The following IL1RAPL1 variants were observed in gnomAD, a reference collection of about 807,000 sequenced individuals.
IL1RAPL1 encodes interleukin 1 receptor accessory protein like 1.
A neutral mutation model predicts 48.4 loss-of-function variants in IL1RAPL1; 3 were observed. That is an observed-to-expected ratio of 0.06 (90% CI 0.03 to 0.16). The LOEUF is 0.16. Among genes scored for constraint, IL1RAPL1 ranks in the 10% least tolerant of loss-of-function variants. The pLI, the probability that IL1RAPL1 is intolerant of heterozygous loss-of-function variation, is 1.00. For missense variants in IL1RAPL1, 349 were observed against 530.6 expected, an observed-to-expected ratio of 0.66 and a Z score of 3.36; for synonymous variants, 185 against 187.7, an observed-to-expected ratio of 0.99 and a Z score of 0.12.
chrX:29,336,096 TA>T (rs1244586990), intron 3 of IL1RAPL1, among the ~76,000 whole-genome samples: 1 of 105,391 alleles, frequency 9.5e-6, no homozygotes, highest in African/African-American at 3.4e-5. Context: ...TATACGTATA[TA>T]TTTTATATAC....
rs760078572 is a variant in IL1RAPL1, at chrX:29,939,895, T to C, written c.1058-1756T>C. Among the ~76,000 whole-genome samples, 636 of 100,219 alleles carry C rather than the reference T, an allele frequency of 6.3e-3. 5 individuals are homozygous for C. Among genetic ancestry groups the C allele is most frequent in the Non-Finnish European group, 0.011 (550 of 50,070 alleles). 87.0% of individuals were successfully genotyped at this position (100,219 alleles called of 115,157 possible). On this transcript the variant is annotated intron_variant, in intron 8 of 10. Coordinates refer to ENST00000378993, the MANE Select transcript of IL1RAPL1 (RefSeq NM_014271.4). ...TTTTTTTTTTTGAGACGGAGTCTCG[T>C]TCTGTCGCCCAGGCTGGAGTGTAGT...
intron 5 of IL1RAPL1, among the ~76,000 whole-genome samples, chrX:29,541,176 A>G (rs1162453356): frequency 8.9e-6 from 1 of 112,186 alleles, no homozygotes; most frequent in South Asian, 3.7e-4. Flanking sequence ...AACACATGAA[A>G]AAATGCTCAA....
intron 5 of IL1RAPL1, among the ~76,000 whole-genome samples, chrX:29,660,337 G>C (rs1925804628): frequency 8.9e-6 from 1 of 111,945 alleles, no homozygotes; most frequent in South Asian, 3.7e-4. Flanking sequence ...AAGCTTTGTA[G>C]CCTAATGTAA....
chrX:29,388,106 C>CAAAAAAAAAAAAAA lies in IL1RAPL1; in HGVS notation c.363-8143_363-8130dup, dbSNP rs71862742. On this transcript the variant is annotated intron_variant, in intron 3 of 10. Coordinates refer to ENST00000378993, the MANE Select transcript of IL1RAPL1 (RefSeq NM_014271.4). ...TGGGAGTTGTTTAGAAAGGTTAAGC[C>CAAAAAAAAAAAAAA]AAAAAAAAAAAAAAAAAAAAAAGCA... Among the ~76,000 whole-genome samples the CAAAAAAAAAAAAAA allele has an allele frequency of 7.7e-5, 4 of 51,736 alleles. 1 individual carries two copies. The highest frequency in any genetic ancestry group is 1.0e-4 in the Non-Finnish European group (3 of 29,849). 44.9% of individuals were successfully genotyped at this position (51,736 alleles called of 115,157 possible).
chrX:28,860,104 TA>T (rs1400514372), intron 2 of IL1RAPL1, among the ~76,000 whole-genome samples: 1 of 111,890 alleles, frequency 8.9e-6, no homozygotes, highest in African/African-American at 3.2e-5. Context: ...GATATTTACA[TA>T]AATTGCTTTG....
At chrX:28,602,623 T>A (rs1189457976) in intron 1 of IL1RAPL1, among the ~76,000 whole-genome samples, 1 of 112,202 alleles carries the variant, frequency 8.9e-6, no homozygotes. Context: ...TTTAATTTCT[T>A]AAATTTGTAA....
intron 6 of IL1RAPL1, among the ~76,000 whole-genome samples, chrX:29,916,390 CT>C (rs1932801107): frequency 1.8e-5 from 2 of 111,844 alleles, no homozygotes; most frequent in African/African-American, 3.2e-5. Context: ...CACTTTTACA[CT>C]GTTGGTGGGA....
At chrX:29,388,220 A>G (rs1035971510) in intron 3 of IL1RAPL1, among the ~76,000 whole-genome samples, 19 of 109,387 alleles carry the variant, frequency 1.7e-4, no homozygotes, top group African/African-American at 6.3e-4. Flanking sequence ...GTACTGTACT[A>G]GGCACTTAAG....
intron 5 of IL1RAPL1, among the ~76,000 whole-genome samples, chrX:29,451,317 C>G (rs751333311): frequency 1.1e-4 from 12 of 109,476 alleles, no homozygotes; most frequent in African/African-American, 4.0e-4. Flanking sequence ...GATTCAGCCA[C>G]ACAAGTAGCT....
intron 4 of IL1RAPL1, among the ~76,000 whole-genome samples, chrX:29,398,272 G>A (rs1192551526): frequency 8.9e-6 from 1 of 111,786 alleles, no homozygotes; most frequent in African/African-American, 3.2e-5. Flanking sequence ...ATTACACAAA[G>A]GCATTGAGCC....
At chrX:29,687,217 G>A (rs1926649597) in intron 6 of IL1RAPL1, among the ~76,000 whole-genome samples, 2 of 111,934 alleles carry the variant, frequency 1.8e-5, no homozygotes, top group South Asian at 3.7e-4. Flanking sequence ...TTATTGCAGC[G>A]CTATCCACAA....
chrX:29,308,566 G>A (rs1204542410), intron 3 of IL1RAPL1, among the ~76,000 whole-genome samples: 1 of 112,173 alleles, frequency 8.9e-6, no homozygotes, highest in Non-Finnish European at 1.9e-5. Flanking sequence ...TCTTAAATCT[G>A]CAAACTGGGA....
chrX:29,154,464 C>G (rs772159355), intron 2 of IL1RAPL1, among the ~76,000 whole-genome samples: 120 of 109,576 alleles, frequency 1.1e-3, no homozygotes, highest in Non-Finnish European at 2.0e-3. Flanking sequence ...CACCTGAACC[C>G]AGGAGGCGGA....
chrX:29,694,918 G>A (rs955473321), intron 6 of IL1RAPL1, among the ~76,000 whole-genome samples: 2 of 111,061 alleles, frequency 1.8e-5, no homozygotes, highest in African/African-American at 6.6e-5. Flanking sequence ...CTACTTAGAG[G>A]GGCTGGACAA....
chrX:29,186,051 C>A (rs1930245326), intron 2 of IL1RAPL1, among the ~76,000 whole-genome samples: 1 of 112,007 alleles, frequency 8.9e-6, no homozygotes, highest in Admixed American at 9.5e-5. Flanking sequence ...CTAAATAAAA[C>A]TCACTGTTAA....
intron 6 of IL1RAPL1, among the ~76,000 whole-genome samples, chrX:29,788,235 ACT>A (rs960322792): frequency 9.0e-6 from 1 of 111,561 alleles, no homozygotes; most frequent in Admixed American, 9.5e-5. Context: ...TGTACCAGGC[ACT>A]CTTTTAGGGA....
chrX:29,149,768 G>T (rs952228559), intron 2 of IL1RAPL1, among the ~76,000 whole-genome samples: 1 of 111,909 alleles, frequency 8.9e-6, no homozygotes, highest in Non-Finnish European at 1.9e-5. Context: ...AATCCCAGAA[G>T]ATTGAGTTCA....
At chrX:29,073,098 G>A (rs1927598966) in intron 2 of IL1RAPL1, among the ~76,000 whole-genome samples, 1 of 112,027 alleles carries the variant, frequency 8.9e-6, no homozygotes, top group South Asian at 3.7e-4. Context: ...AAAGCATGAG[G>A]GAGGGAAGTG....
chrX:29,504,560 A>C (rs754305601), intron 5 of IL1RAPL1, among the ~76,000 whole-genome samples: 1 of 111,883 alleles, frequency 8.9e-6, no homozygotes, highest in Non-Finnish European at 1.9e-5. Flanking sequence ...TCTCTTGCTG[A>C]ACAGAACCCT....
Sources: gnomAD v4.1 joint callset for allele counts (sites outside exome capture counted in the v4.1 genomes callset) on GRCh38, gnomAD v4.1.1 for gene constraint, MANE v1.5 for transcripts, NCBI Gene and HGNC (gene_info 2026-07-23, HGNC 2026-07-21) for gene names.